The following ASIC2 variants were observed in gnomAD, a reference collection of about 807,000 sequenced individuals.
The protein encoded by ASIC2 is acid sensing ion channel subunit 2, also known as acid-sensing ion channel 2.
ASIC2 carries 25 observed loss-of-function variants against 57.3 expected under a neutral mutation model. The ratio of observed to expected loss-of-function variants is 0.44; its 90% CI spans 0.32 to 0.61. The LOEUF (loss-of-function observed/expected upper bound fraction) is 0.61. ASIC2 is among the 20% of genes least tolerant of loss of function. ASIC2 has a pLI of 0.06. For synonymous variants in ASIC2, 319 were observed against 307.5 expected, an observed-to-expected ratio of 1.04 and a Z score of -0.39; for missense variants, 641 against 738.1, an observed-to-expected ratio of 0.87 and a Z score of 1.52.
chr17:33,624,247 G>A (rs937069004), intron 1 of ASIC2: 17 of 152,224 alleles, frequency 1.1e-4, no homozygotes, highest in African/African-American at 3.9e-4. Flanking sequence ...ATCCACTTAA[G>A]TAAGTCCTAG....
chr17:33,847,396 C>T (rs998718487), intron 1 of ASIC2, among the ~76,000 whole-genome samples: 2 of 152,020 alleles, frequency 1.3e-5, no homozygotes, highest in African/African-American at 4.8e-5. Context: ...TTGCAGACAG[C>T]CCCCATCATC....
intron 1 of ASIC2, among the ~76,000 whole-genome samples, chr17:33,849,850 T>A (rs317398): frequency 0.19 from 28,686 of 152,092 alleles, 3,488 homozygotes; most frequent in East Asian, 0.48. Flanking sequence ...AGGAAGCTGA[T>A]CAGATTTGCA....
intron 1 of ASIC2, among the ~76,000 whole-genome samples, chr17:33,971,258 C>T (rs547042461): frequency 6.6e-6 from 1 of 152,232 alleles, no homozygotes; most frequent in South Asian, 2.1e-4. Context: ...GTTGTCAGTG[C>T]AGTAGCCTAC....
rs375000783 is a variant in ASIC2 at position 33,389,435 on chromosome 17, A to G, written c.556-277368T>C. ...GATATAGTAAGACTTACAAATGAAT[A>G]CTACAGGGAGGTCACCCCAATTCTG... On this transcript the variant is annotated intron_variant, in intron 1 of 9. Coordinates refer to the ASIC2 transcript ENST00000359872. Among the ~76,000 whole-genome samples, 26 of 152,352 alleles carry G rather than the reference A, an allele frequency of 1.7e-4. No individual in the cohort carries two copies. In the South Asian group the frequency reaches 2.7e-3, roughly 16 times the overall value.
chr17:33,881,879 C>T (rs1017795339), intron 1 of ASIC2, among the ~76,000 whole-genome samples: 4 of 152,142 alleles, frequency 2.6e-5, no homozygotes, highest in East Asian at 1.9e-4. Context: ...GCTACAGTAA[C>T]CAACACAGCA....
chr17:34,121,753 C>G (rs1313159034), intron 1 of ASIC2, among the ~76,000 whole-genome samples: 1 of 152,224 alleles, frequency 6.6e-6, no homozygotes, highest in Admixed American at 6.5e-5. Context: ...CATTCCCATG[C>G]ACCCTTTGCT....
intron 1 of ASIC2, among the ~76,000 whole-genome samples, chr17:33,132,247 C>T (rs977005090): frequency 1.1e-4 from 17 of 152,184 alleles, no homozygotes; most frequent in Non-Finnish European, 1.9e-4. Flanking sequence ...TGAGCCAAAT[C>T]GCCTGTCTTT....
rs138256838 is a variant in ASIC2, at chr17:33,119,034, A to G, written c.709-6967T>C. Among the ~76,000 whole-genome samples the G allele has an allele frequency of 4.9e-3, 750 of 152,282 alleles. 6 individuals are homozygous for G. The highest frequency in any genetic ancestry group is 0.016 in the African/African-American group (673 of 41,554). On this transcript the variant is annotated intron_variant, in intron 1 of 9. Transcript: ENST00000225823. Reference sequence around the variant, plus strand: ...CATGAAGACACGGTTTTCTGGTCCAATTAATAGTGCAAACAACATTTCTAC... The same window carrying G: ...CATGAAGACACGGTTTTCTGGTCCAGTTAATAGTGCAAACAACATTTCTAC...
At chr17:33,877,563 G>A (rs897001899) in intron 1 of ASIC2, among the ~76,000 whole-genome samples, 1 of 152,190 alleles carries the variant, frequency 6.6e-6, no homozygotes, top group African/African-American at 2.4e-5. Flanking sequence ...GCTGGGGGAG[G>A]GGCACCCGCC....
chr17:33,990,763 C>T (rs889992766), intron 1 of ASIC2, among the ~76,000 whole-genome samples: 2 of 151,944 alleles, frequency 1.3e-5, no homozygotes, highest in Non-Finnish European at 2.9e-5. Context: ...AAAGGGTGCA[C>T]CAAGGAGGGA....
At chr17:34,095,659 T>TTATATA (rs200777326) in intron 1 of ASIC2, among the ~76,000 whole-genome samples, 1 of 93,100 alleles carries the variant, frequency 1.1e-5, no homozygotes, top group African/African-American at 5.5e-5. Flanking sequence ...ATATATAATT[T>TTATATA]TATATATATA....
At chr17:34,011,154 C>A (rs1261138762) in intron 1 of ASIC2, among the ~76,000 whole-genome samples, 1 of 152,108 alleles carries the variant, frequency 6.6e-6, no homozygotes, top group Admixed American at 6.5e-5. Flanking sequence ...CACATAGACA[C>A]ATAGAGATGC....
At chr17:33,926,943 T>C (rs1915835174) in intron 1 of ASIC2, among the ~76,000 whole-genome samples, 1 of 152,190 alleles carries the variant, frequency 6.6e-6, no homozygotes, top group African/African-American at 2.4e-5. Flanking sequence ...TTTTTTTTTT[T>C]TGAGACAGAG....
chr17:33,158,121 C>T (rs558883710), intron 1 of ASIC2, among the ~76,000 whole-genome samples: 10 of 152,182 alleles, frequency 6.6e-5, no homozygotes, highest in Non-Finnish European at 8.8e-5. Flanking sequence ...ATTTTTTCTC[C>T]GTAGTGCTCA....
chr17:33,855,373 G>A (rs948116764), intron 1 of ASIC2, among the ~76,000 whole-genome samples: 13 of 152,166 alleles, frequency 8.5e-5, no homozygotes, highest in East Asian at 1.9e-4. Context: ...CTGAATAGCT[G>A]TGTGATTACA....
intron 1 of ASIC2, among the ~76,000 whole-genome samples, chr17:34,135,116 A>G (rs921751284): frequency 1.3e-5 from 2 of 152,230 alleles, no homozygotes; most frequent in Admixed American, 1.3e-4. Context: ...TTTCTGCTAG[A>G]TAAGTTGGAA....
At chr17:33,342,195 C>G (rs1327602178) in intron 1 of ASIC2, among the ~76,000 whole-genome samples, 2 of 152,114 alleles carry the variant, frequency 1.3e-5, no homozygotes, top group Non-Finnish European at 2.9e-5. Context: ...AGGATAAGGT[C>G]CCTCCCAGGA....
chr17:33,958,991 C>T (rs1179341272), intron 1 of ASIC2, among the ~76,000 whole-genome samples: 1 of 152,124 alleles, frequency 6.6e-6, no homozygotes, highest in Non-Finnish European at 1.5e-5. Context: ...AAAATGCCAC[C>T]AGTCTCTTTG....
At position 33,181,355 on chromosome 17, in the gene ASIC2, T is replaced by C. The variant is rs116384876; in HGVS notation, c.709-69288A>G. Among the ~76,000 whole-genome samples, 1,198 of 152,302 alleles carry C rather than the reference T, an allele frequency of 7.9e-3. 15 individuals are homozygous for C. The highest frequency in any genetic ancestry group is 0.028 in the African/African-American group (1,143 of 41,562). ...TTTTATTAAACACAATAAAACTCTT[T>C]ATACAGACAAAATCATTAAATCCTT... On this transcript the variant is annotated intron_variant, in intron 1 of 9. Transcript: ENST00000225823.
Sources: allele counts gnomAD v4.1 joint callset (sites outside exome capture counted in the v4.1 genomes callset), GRCh38; gene constraint gnomAD v4.1.1; transcripts MANE v1.5; gene names NCBI Gene and HGNC (gene_info 2026-07-23, HGNC 2026-07-21).